SORBS2: variants seen among roughly 807,000 people sequenced by gnomAD.
The protein encoded by SORBS2 is sorbin and SH3 domain containing 2, also known as sorbin and SH3 domain-containing protein 2.
SORBS2 carries 46 observed loss-of-function variants against 97.7 expected under a neutral mutation model. The ratio of observed to expected loss-of-function variants is 0.47; its 90% CI spans 0.37 to 0.60. The LOEUF (loss-of-function observed/expected upper bound fraction) is 0.60. SORBS2 is among the 20% of genes least tolerant of loss of function. The pLI is 0.00. For synonymous variants in SORBS2, 476 were observed against 473.4 expected, an observed-to-expected ratio of 1.01 and a Z score of -0.07; for missense variants, 1,316 against 1,282.3, an observed-to-expected ratio of 1.03 and a Z score of -0.40.
intron 11 of SORBS2, chr4:185,614,585 T>G: frequency 2.2e-6 from 1 of 453,804 alleles, no homozygotes; most frequent in Non-Finnish European, 3.9e-6. Context: ...CATGCCCGGC[T>G]TCCCAGACTA....
chr4:185,704,387 C>T (rs148259126), intron 2 of SORBS2, among the ~76,000 whole-genome samples: 51 of 151,532 alleles, frequency 3.4e-4, no homozygotes, highest in African/African-American at 1.1e-3. Context: ...GGCGTGATCT[C>T]GGCTCACTGC....
intron 1 of SORBS2, among the ~76,000 whole-genome samples, chr4:185,956,013 T>G (rs1210709731): frequency 6.6e-6 from 1 of 152,164 alleles, no homozygotes; most frequent in African/African-American, 2.4e-5. Context: ...TTAAGCAACG[T>G]AAAGTGTTCC....
At chr4:185,658,867 C>T (rs775430134), upstream of SORBS2, among the ~76,000 whole-genome samples, 23 of 151,850 alleles carry the variant, frequency 1.5e-4, no homozygotes, top group Admixed American at 1.0e-3. Context: ...GTACAAAATA[C>T]AAACAATTTT....
intron 2 of SORBS2, among the ~76,000 whole-genome samples, chr4:185,697,691 T>C (rs1415903617): frequency 6.6e-6 from 1 of 152,164 alleles, no homozygotes; most frequent in Non-Finnish European, 1.5e-5. Context: ...AAATGTCACA[T>C]AACAAATTGT....
intron 1 of SORBS2, among the ~76,000 whole-genome samples, chr4:185,820,499 C>T (rs1233740405): frequency 6.6e-6 from 1 of 152,180 alleles, no homozygotes; most frequent in Non-Finnish European, 1.5e-5. Context: ...CAGGGCAGGG[C>T]TGGCCTTCAG....
chr4:185,649,336 A>G (rs2097269938), intron 3 of SORBS2, 131 bp downstream of exon 12: 1 of 702,490 alleles, frequency 1.4e-6, no homozygotes, highest in South Asian at 2.5e-5. Context: ...TCAATATGGT[A>G]TATGTATAGA....
chr4:185,942,240 G>C (rs904992249), intron 1 of SORBS2, among the ~76,000 whole-genome samples: 2 of 152,218 alleles, frequency 1.3e-5, no homozygotes, highest in Non-Finnish European at 2.9e-5. Context: ...GAAAGAATTT[G>C]TAGAAGCTCT....
intron 7 of SORBS2, among the ~76,000 whole-genome samples, chr4:185,621,677 A>T (rs2153420958): frequency 6.6e-6 from 1 of 152,340 alleles, no homozygotes; most frequent in Middle Eastern, 3.4e-3. Flanking sequence ...ATAAAGACTA[A>T]GTAGATTTGT....
chr4:185,814,172 G>C (rs1046706760), intron 1 of SORBS2, among the ~76,000 whole-genome samples: 1 of 151,990 alleles, frequency 6.6e-6, no homozygotes, highest in Non-Finnish European at 1.5e-5. Context: ...GATGTTTTAG[G>C]GTGGCTTTTC....
At chr4:185,759,648 T>C (rs1319541339) in intron 2 of SORBS2, among the ~76,000 whole-genome samples, 1 of 151,708 alleles carries the variant, frequency 6.6e-6, no homozygotes, top group East Asian at 1.9e-4. Flanking sequence ...TTTAAAAGAA[T>C]GTGGAAATGG....
intron 2 of SORBS2, among the ~76,000 whole-genome samples, chr4:185,732,311 A>G (rs143275074): frequency 1.3e-5 from 2 of 152,344 alleles, no homozygotes; most frequent in East Asian, 3.9e-4. Context: ...GAAGAGCATC[A>G]AAGTGTGACC....
rs531955754 is a variant in SORBS2, at chr4:185,926,993, C to T, written c.-338+29203G>A. Among the ~76,000 whole-genome samples, 70 of 151,770 alleles carry T rather than the reference C, an allele frequency of 4.6e-4. 1 individual carries two copies. Among genetic ancestry groups the T allele is most frequent in the Admixed American group, 1.1e-3 (17 of 15,210 alleles). On this transcript the variant is annotated intron_variant, in intron 1 of 20. Transcript: ENST00000284776. ...AGAGGATTTTACGGTTCTTTACTTT[C>T]CTCCTTCTTATTGAACTGCCATGCT...
intron 1 of SORBS2, among the ~76,000 whole-genome samples, chr4:185,904,487 G>T (rs578156077): frequency 6.6e-6 from 1 of 152,246 alleles, no homozygotes; most frequent in African/African-American, 2.4e-5. Context: ...ACGGTAAAAA[G>T]CCTCCCTGCC....
intron 9 of SORBS2, among the ~76,000 whole-genome samples, chr4:185,615,389 G>A (rs1393304376): frequency 1.3e-5 from 2 of 152,108 alleles, no homozygotes; most frequent in Non-Finnish European, 2.9e-5. Context: ...ACATTCCATT[G>A]GATATAAATC....
Position 185,809,455 on chromosome 4 carries a change from C to CAAAAAAAAAA in SORBS2, c.-337-34099_-337-34090dup, listed in dbSNP as rs55713465. ...GACTCTTCAGGGGGCACTGCATTTG[C>CAAAAAAAAAA]AAAAAAAAAAAAAAAAAAAAAAAAA... On this transcript the variant is annotated intron_variant, in intron 1 of 20. Coordinates refer to the SORBS2 transcript ENST00000284776. 2.6e-3 allele frequency among the ~76,000 whole-genome samples: 123 copies of CAAAAAAAAAA among 47,288 alleles called. 29 individuals are homozygous for CAAAAAAAAAA. Among genetic ancestry groups the CAAAAAAAAAA allele is most frequent in the African/African-American group, 9.3e-3 (107 of 11,560 alleles). The allele number at this position is 47,288 out of a possible 152,430, so 31.0% of individuals were successfully genotyped here.
At chr4:185,630,506 C>T (rs1347388169) in intron 5 of SORBS2, 43 bp downstream of exon 17, 11 of 1,252,686 alleles carry the variant, frequency 8.8e-6, no homozygotes, top group Non-Finnish European at 1.2e-5. Context: ...AAAAAGAAAC[C>T]ACTGGTATAG....
At chr4:185,712,628 G>T (rs764728522) in intron 2 of SORBS2, among the ~76,000 whole-genome samples, 3 of 152,198 alleles carry the variant, frequency 2.0e-5, no homozygotes, top group Non-Finnish European at 2.9e-5. Flanking sequence ...ACTGCAACAC[G>T]CCCTCTGGGG....
chr4:185,663,999 C>T (rs1221898430), intron 4 of SORBS2, among the ~76,000 whole-genome samples: 2 of 151,832 alleles, frequency 1.3e-5, no homozygotes, highest in Non-Finnish European at 2.9e-5. Context: ...GGACTACAGG[C>T]GCCCACCACC....
rs547834409 is a variant in SORBS2 at position 185,623,730 on chromosome 4, G to A, written c.1399C>T (p.Pro467Ser). ...CAGCCTCGCCGGCCCCGAGCGGGGG[G>A]GCCGCTTTGATTTTCTTCCTCCAGC... Residue 467 changes from proline (P) to serine (S), a missense_variant, in exon 7 of 15, where the codon CCC becomes TCC. Pro to Ser is a moderately conservative substitution (Grantham distance 74). Coordinates refer to ENST00000418609, the Ensembl canonical transcript of SORBS2. The surrounding 1 kb of genome is among the most constrained non-coding windows in gnomAD (Gnocchi z 6.4). 8.7e-6 allele frequency: 14 copies of A among 1,614,036 alleles called. No homozygotes were observed. In the Admixed American group the frequency reaches 1.3e-4, roughly 15 times the overall value.
Sources: gnomAD v4.1 joint callset for allele counts (sites outside exome capture counted in the v4.1 genomes callset) on GRCh38, gnomAD v4.1.1 for gene constraint, Gnocchi (gnomAD v3.1) non-coding constraint, MANE v1.5 for transcripts, NCBI Gene and HGNC (gene_info 2026-07-23, HGNC 2026-07-21) for gene names.